Variants in TOP6BL observed in about 807,000 individuals in gnomAD.
The protein encoded by TOP6BL is TOP6B like initiator of meiotic double strand breaks, also known as type 2 DNA topoisomerase 6 subunit B-like.
the TOP6BL span, among the ~76,000 whole-genome samples, chr11:66,797,299 C>A: frequency 2.6e-5 from 4 of 152,032 alleles, no homozygotes; most frequent in Non-Finnish European, 5.9e-5. Flanking sequence ...CACACCCAGC[C>A]AAGGCAATCT....
chr11:66,795,359 G>A, the TOP6BL span, among the ~76,000 whole-genome samples: 1 of 149,742 alleles, frequency 6.7e-6, no homozygotes, highest in Non-Finnish European at 1.5e-5. Flanking sequence ...TGGAGTGCAG[G>A]GGCACCATCT....
the TOP6BL span, chr11:66,762,163 A>T: frequency 1.2e-6 from 1 of 817,432 alleles, no homozygotes; most frequent in Non-Finnish European, 2.1e-6. Flanking sequence ...CACTCAGGAA[A>T]TCAATCAAAG....
At chr11:66,791,434 C>T in the TOP6BL span, among the ~76,000 whole-genome samples, 1 of 152,052 alleles carries the variant, frequency 6.6e-6, no homozygotes, top group East Asian at 1.9e-4. Context: ...TACATATATA[C>T]ATACAAACAT....
At chr11:66,837,237 C>T in the TOP6BL span, among the ~76,000 whole-genome samples, 13 of 152,066 alleles carry the variant, frequency 8.5e-5, 1 homozygote, top group African/African-American at 3.1e-4. Context: ...CGCCATTCTT[C>T]TGCCTCAGCC....
At chr11:66,842,972 C>T in the TOP6BL span, 1 of 1,550,660 alleles carries the variant, frequency 6.4e-7, no homozygotes, top group African/African-American at 1.4e-5. Flanking sequence ...CGCCCGGAAG[C>T]CACCGCGGCC....
At chr11:66,822,397 C>T in the TOP6BL span, among the ~76,000 whole-genome samples, 10 of 152,072 alleles carry the variant, frequency 6.6e-5, no homozygotes, top group East Asian at 1.9e-3. Flanking sequence ...ATTTTAATTC[C>T]CTAAGTGTTA....
the TOP6BL span, chr11:66,788,322 T>A: frequency 7.7e-7 from 1 of 1,301,906 alleles, no homozygotes; most frequent in Non-Finnish European, 1.1e-6. Flanking sequence ...CTTATTTTTC[T>A]GCAATCTAAT....
the TOP6BL span, chr11:66,839,071 C>A: frequency 2.2e-6 from 1 of 454,468 alleles, no homozygotes; most frequent in Non-Finnish European, 4.4e-6. Flanking sequence ...GGGAAAGTGT[C>A]AGTGCGTGGG....
chr11:66,816,742 AT>A, the TOP6BL span, among the ~76,000 whole-genome samples: 1 of 152,022 alleles, frequency 6.6e-6, no homozygotes, highest in Non-Finnish European at 1.5e-5. Flanking sequence ...TTTCAATTAT[AT>A]TTTGTATTAT....
At chr11:66,790,172 G>A in the TOP6BL span, among the ~76,000 whole-genome samples, 1 of 152,114 alleles carries the variant, frequency 6.6e-6, no homozygotes, top group Non-Finnish European at 1.5e-5. Context: ...TGGAGGCTGA[G>A]GCAGGAGAAT....
At chr11:66,746,845 C>T in the TOP6BL span, among the ~76,000 whole-genome samples, 3 of 152,102 alleles carry the variant, frequency 2.0e-5, no homozygotes, top group African/African-American at 7.2e-5. Flanking sequence ...CATCACTGCA[C>T]TCCAGCCTGG....
the TOP6BL span, chr11:66,838,549 C>A: frequency 2.9e-6 from 3 of 1,031,620 alleles, no homozygotes; most frequent in Non-Finnish European, 4.3e-6. Context: ...ACTACAGCGG[C>A]GTCCTTCTGC....
the TOP6BL span, among the ~76,000 whole-genome samples, chr11:66,812,332 A>G: frequency 7.2e-5 from 11 of 151,968 alleles, no homozygotes; most frequent in Non-Finnish European, 1.3e-4. Flanking sequence ...GCCCGCCACT[A>G]CGCCCGGCTA....
the TOP6BL span, among the ~76,000 whole-genome samples, chr11:66,786,633 C>T: frequency 6.6e-6 from 1 of 152,136 alleles, no homozygotes; most frequent in Admixed American, 6.6e-5. Context: ...TCCACATTTA[C>T]CCCATTTCTG....
chr11:66,753,313 A>G, the TOP6BL span, among the ~76,000 whole-genome samples: 1 of 152,062 alleles, frequency 6.6e-6, no homozygotes, highest in Non-Finnish European at 1.5e-5. Flanking sequence ...GGATGGGGAA[A>G]GAGAGCAGAG....
chr11:66,843,372 G>GGGGCGTGGAGCCGCGCCGCGGCC, the TOP6BL span: 1 of 1,439,550 alleles, frequency 6.9e-7, no homozygotes, highest in Non-Finnish European at 9.1e-7. Context: ...GGGGCGGGGC[G>GGGGCGTGGAGCCGCGCCGCGGCC]GGGCGTGGAG....
the TOP6BL span, among the ~76,000 whole-genome samples, chr11:66,781,696 C>T: frequency 3.9e-5 from 6 of 152,200 alleles, no homozygotes; most frequent in East Asian, 9.7e-4. Flanking sequence ...TACCACCACG[C>T]CCGGCTAATT....
chr11:66,833,480 G>A, the TOP6BL span, among the ~76,000 whole-genome samples: 1 of 152,156 alleles, frequency 6.6e-6, no homozygotes, highest in African/African-American at 2.4e-5. Context: ...GGAGAATGCA[G>A]TTCACTACAG....
chr11:66,778,120 T>C, the TOP6BL span, among the ~76,000 whole-genome samples: 2 of 150,714 alleles, frequency 1.3e-5, no homozygotes, highest in African/African-American at 4.9e-5. Flanking sequence ...AGAGACAGTC[T>C]CAAACTCCTG....
Sources: allele counts gnomAD v4.1 joint callset (sites outside exome capture counted in the v4.1 genomes callset), GRCh38; gene constraint gnomAD v4.1.1; transcripts MANE v1.5; gene names NCBI Gene and HGNC (gene_info 2026-07-23, HGNC 2026-07-21).